The following PREX2 variants were observed in gnomAD, a reference collection of about 807,000 sequenced individuals.
PREX2 encodes phosphatidylinositol 3,4,5-trisphosphate-dependent Rac exchanger 2 protein.
In PREX2, 107 loss-of-function variants were observed where a neutral mutation model predicts 203.2. The observed-to-expected ratio is 0.53, with a 90% CI of 0.45 to 0.62. PREX2 has a LOEUF of 0.62. PREX2 is among the 20% of genes least tolerant of loss of function. The pLI is 0.00. For missense variants in PREX2, 1,777 were observed against 1,955.9 expected (o/e 0.91, Z 1.72); for synonymous variants, 672 against 663.6 (o/e 1.01, Z -0.19).
Position 68,142,237 on chromosome 8 carries a change from T to C in PREX2, c.4087+3720T>C, listed in dbSNP as rs191355891. Among the ~76,000 whole-genome samples, 118 of 152,290 alleles carry C rather than the reference T, an allele frequency of 7.7e-4. 1 individual carries two copies. Among genetic ancestry groups the C allele is most frequent in the African/African-American group, 2.6e-3 (110 of 41,566 alleles). ...ACATGTATCCACCATTATAGTATCATACAGAGTATTTTTACTGCCCTAAAA... is the reference window on the plus strand; with the variant it reads ...ACATGTATCCACCATTATAGTATCACACAGAGTATTTTTACTGCCCTAAAA... On this transcript the variant is annotated intron_variant, in intron 33 of 39. Coordinates refer to ENST00000288368, the MANE Select transcript of PREX2 (RefSeq NM_024870.4).
At chr8:68,200,499 A>C (rs1812479901) in intron 37 of PREX2, among the ~76,000 whole-genome samples, 1 of 152,152 alleles carries the variant, frequency 6.6e-6, no homozygotes, top group Admixed American at 6.5e-5. Context: ...GAAGAAATCA[A>C]ATATTGTAAA....
In PREX2 at chr8:68,097,013, C is replaced by T. The variant is rs764401157; in HGVS notation, c.2369-4C>T. ...TTACTGAGTTACAGTTGTCTTTGTT[C>T]CAGAGGTTATTGACAAATTCAACAC... On this transcript the variant is annotated splice_region_variant and splice_polypyrimidine_tract_variant and intron_variant, in intron 21 of 39. Coordinates refer to ENST00000288368, the MANE Select transcript of PREX2 (RefSeq NM_024870.4). 3.1e-6 allele frequency: 5 copies of T among 1,611,472 alleles called. No homozygotes were observed. Among genetic ancestry groups the T allele is most frequent in the Non-Finnish European group, 4.2e-6 (5 of 1,177,994 alleles).
chr8:68,110,817 G>A (rs1202342374), intron 25 of PREX2: 1 of 262,704 alleles, frequency 3.8e-6, no homozygotes, highest in African/African-American at 2.3e-5. Flanking sequence ...TCAATATTTA[G>A]TATTTACTTT....
At chr8:68,089,304 G>A (rs957746141) in intron 19 of PREX2, among the ~76,000 whole-genome samples, 1 of 152,082 alleles carries the variant, frequency 6.6e-6, no homozygotes, top group Non-Finnish European at 1.5e-5. Flanking sequence ...TTAAAAATGT[G>A]TCCTTGATCA....
At chr8:68,157,486 A>C (rs768726165) in intron 35 of PREX2, 50 bp downstream of exon 35, 2 of 937,764 alleles carry the variant, frequency 2.1e-6, no homozygotes, top group South Asian at 3.0e-5. Flanking sequence ...TTTTGATAGA[A>C]ATGTATTAAT....
intron 37 of PREX2, among the ~76,000 whole-genome samples, chr8:68,210,400 C>T (rs774503569): frequency 6.6e-6 from 1 of 152,076 alleles, no homozygotes; most frequent in African/African-American, 2.4e-5. Flanking sequence ...GTAATACAAA[C>T]GTTTGGGGTT....
chr8:68,069,277 T>A lies in PREX2; in HGVS notation c.1443+141T>A, dbSNP rs1809118136. 12 of 558,418 alleles carry A rather than the reference T, an allele frequency of 2.1e-5. No homozygotes were observed. The South Asian group carries it at 2.9e-4, about 13-fold the overall frequency. The allele number at this position is 558,418 out of a possible 1,614,324, so 34.6% of individuals were successfully genotyped here. ...ATATATACAAGCAAGCCTCTTTATTTATTTTTGGTATTTCAAGAATTCTAA... is the reference window on the plus strand; with the variant it reads ...ATATATACAAGCAAGCCTCTTTATTAATTTTTGGTATTTCAAGAATTCTAA... On this transcript the variant is annotated intron_variant, in intron 12 of 39. Transcript: ENST00000288368.
At chr8:68,174,579 T>A (rs1273400263) in intron 35 of PREX2, among the ~76,000 whole-genome samples, 1 of 152,128 alleles carries the variant, frequency 6.6e-6, no homozygotes, top group East Asian at 1.9e-4. Context: ...GCCACCACTT[T>A]CCCCACTGAG....
At chr8:68,120,845 G>T in intron 29 of PREX2, 76 bp from the exon 30 acceptor site, 1 of 1,258,678 alleles carries the variant, frequency 7.9e-7, no homozygotes, top group Non-Finnish European at 1.1e-6. Flanking sequence ...AGTGACAGAA[G>T]AAGGTTTTGA....
intron 1 of PREX2, 61 bp from the exon 2 acceptor site, chr8:68,017,785 C>CAT: frequency 7.3e-7 from 1 of 1,363,398 alleles, no homozygotes; most frequent in Non-Finnish European, 1.0e-6. Context: ...TAATTCTACT[C>CAT]AACACCCAGT....
chr8:68,081,074 A>G lies in PREX2; in HGVS notation c.1878+236A>G, dbSNP rs1809504069. ...GGGGCCGGGAGGTGGTGGGTATTCTATAGCAGCCGTCCCCAACCTTCTTGG... is the reference window on the plus strand; with the variant it reads ...GGGGCCGGGAGGTGGTGGGTATTCTGTAGCAGCCGTCCCCAACCTTCTTGG... On this transcript the variant is annotated intron_variant, in intron 17 of 39. Transcript: ENST00000288368. 3.3e-5 allele frequency among the ~76,000 whole-genome samples: 5 copies of G among 152,088 alleles called. No individual in the cohort carries two copies. In the South Asian group the frequency reaches 6.2e-4, roughly 19 times the overall value.
intron 35 of PREX2, among the ~76,000 whole-genome samples, chr8:68,187,755 G>A (rs1342484217): frequency 1.3e-5 from 2 of 152,148 alleles, no homozygotes; most frequent in African/African-American, 4.8e-5. Flanking sequence ...ACAAATGCTA[G>A]ATAAAATATG....
At chr8:68,043,633 A>G (rs1808261465) in intron 7 of PREX2, among the ~76,000 whole-genome samples, 1 of 152,130 alleles carries the variant, frequency 6.6e-6, no homozygotes, top group African/African-American at 2.4e-5. Flanking sequence ...TGAATAGTCT[A>G]GGTCAATGGA....
chr8:68,074,273 T>A (rs1809282831), intron 14 of PREX2, among the ~76,000 whole-genome samples: 1 of 152,048 alleles, frequency 6.6e-6, no homozygotes, highest in Non-Finnish European at 1.5e-5. Flanking sequence ...CCGCAATTTT[T>A]TTTTCTTCAG....
intron 11 of PREX2, among the ~76,000 whole-genome samples, chr8:68,065,332 G>A (rs1181116696): frequency 4.6e-5 from 7 of 152,126 alleles, no homozygotes; most frequent in Non-Finnish European, 4.4e-5. Flanking sequence ...AGATTGCATA[G>A]GAGAAAAAAA....
intron 31 of PREX2, among the ~76,000 whole-genome samples, chr8:68,132,177 C>T (rs1811022490): frequency 6.6e-6 from 1 of 152,012 alleles, no homozygotes; most frequent in Admixed American, 6.6e-5. Context: ...TTTTTAGTGC[C>T]ACTGACTCTT....
intron 17 of PREX2, chr8:68,082,278 T>A (rs909254062): frequency 6.6e-6 from 1 of 152,162 alleles, no homozygotes; most frequent in Non-Finnish European, 1.5e-5. Context: ...CTTTAATGAA[T>A]ATGAAAATTA....
In PREX2 at chr8:68,236,060, T is replaced by C. The variant is rs977102742; in HGVS notation, c.*4682T>C. On this transcript the variant is annotated 3_prime_UTR_variant, in exon 40 of 40. Transcript: ENST00000288368. ...GTTATAAAAATTAATAAGATTGTTT[T>C]GTTTTGTATGAATGTACGACAAATC... 1 of 152,172 alleles carries C rather than the reference T, an allele frequency of 6.6e-6. No homozygotes were observed. Among genetic ancestry groups the C allele is most frequent in the Non-Finnish European group, 1.5e-5 (1 of 68,018 alleles). 9.4% of individuals were successfully genotyped at this position (152,172 alleles called of 1,614,324 possible).
chr8:68,028,996 T>G (rs1807807273), intron 5 of PREX2, among the ~76,000 whole-genome samples: 1 of 152,022 alleles, frequency 6.6e-6, no homozygotes, highest in African/African-American at 2.4e-5. Flanking sequence ...CAAAGCAACA[T>G]GAAAAAACTG....
Sources: gnomAD v4.1 joint callset for allele counts (sites outside exome capture counted in the v4.1 genomes callset) on GRCh38, gnomAD v4.1.1 for gene constraint, MANE v1.5 for transcripts, NCBI Gene and HGNC (gene_info 2026-07-23, HGNC 2026-07-21) for gene names.